The following PTPRD variants were observed in gnomAD, a reference collection of about 807,000 sequenced individuals.
The protein encoded by PTPRD is protein tyrosine phosphatase receptor type D.
A neutral mutation model predicts 214.5 loss-of-function variants in PTPRD; 34 were observed. That is an observed-to-expected ratio of 0.16 (90% confidence interval 0.12 to 0.21). The LOEUF is 0.21. Ranked by LOEUF, PTPRD falls within the 10% of genes least tolerant of loss-of-function variation. The pLI, the probability that PTPRD is intolerant of heterozygous loss-of-function variation, is 1.00. For synonymous variants in PTPRD, 1,128 were observed against 845.7 expected (o/e 1.33, Z -5.79); for missense variants, 2,545 against 2,398.7 (o/e 1.06, Z -1.27).
chr9:10,343,505 G>C lies in PTPRD; in HGVS notation c.-599-2488C>G, dbSNP rs137937208. On this transcript the variant is annotated intron_variant, in intron 2 of 45. Coordinates refer to ENST00000381196, the MANE Select transcript of PTPRD (RefSeq NM_002839.4). ...TGGGTATATACCCAGTAACGGGATT[G>C]CTGGGTCAAATGGTATTTCTTGTTC... 5.3e-5 allele frequency among the ~76,000 whole-genome samples: 8 copies of C among 152,212 alleles called. No individual in the cohort carries two copies. In the East Asian group the frequency reaches 1.5e-3, roughly 29 times the overall value.
chr9:9,575,060 G>A (rs1422801030), intron 7 of PTPRD, among the ~76,000 whole-genome samples: 3 of 135,338 alleles, frequency 2.2e-5, no homozygotes, highest in East Asian at 4.1e-4. Context: ...TATAGCTGAT[G>A]GATAACATTT....
At chr9:9,644,108 A>T (rs529146326) in intron 7 of PTPRD, among the ~76,000 whole-genome samples, 1 of 152,370 alleles carries the variant, frequency 6.6e-6, no homozygotes, top group South Asian at 2.1e-4. Context: ...TATTCAAGAC[A>T]ATCAAAAGTG....
intron 9 of PTPRD, among the ~76,000 whole-genome samples, chr9:9,222,847 T>C (rs972034702): frequency 6.6e-6 from 1 of 152,016 alleles, no homozygotes; most frequent in African/African-American, 2.4e-5. Context: ...ACATATATTC[T>C]TGGTTAATTT....
intron 39 of PTPRD, among the ~76,000 whole-genome samples, chr9:8,350,860 T>C (rs2075260862): frequency 6.6e-6 from 1 of 152,186 alleles, no homozygotes; most frequent in African/African-American, 2.4e-5. Flanking sequence ...ACTATATCCC[T>C]ATACTAATTA....
intron 4 of PTPRD, among the ~76,000 whole-genome samples, chr9:10,016,071 G>A (rs1003282979): frequency 1.3e-5 from 2 of 152,070 alleles, no homozygotes; most frequent in African/African-American, 4.8e-5. Flanking sequence ...TCAGAACCTG[G>A]AAATATACTG....
At chr9:9,594,853 C>T (rs2093126825) in intron 7 of PTPRD, among the ~76,000 whole-genome samples, 1 of 151,986 alleles carries the variant, frequency 6.6e-6, no homozygotes, top group East Asian at 1.9e-4. Flanking sequence ...GACTAAAATA[C>T]AGAATCTACA....
chr9:10,186,663 G>A (rs2099331433), intron 3 of PTPRD, among the ~76,000 whole-genome samples: 1 of 152,090 alleles, frequency 6.6e-6, no homozygotes, highest in Non-Finnish European at 1.5e-5. Context: ...TAAAAATGCA[G>A]TATCGGGAAT....
chr9:9,316,736 G>A lies in PTPRD; in HGVS notation c.-203+80713C>T, dbSNP rs146375503. ...ATTACTGGTATCCACATAAAATAAC[G>A]ATACATGAAATATTAAAATAACACA... On this transcript the variant is annotated intron_variant, in intron 9 of 45. Coordinates refer to ENST00000381196, the MANE Select transcript of PTPRD (RefSeq NM_002839.4). 1.8e-3 allele frequency among the ~76,000 whole-genome samples: 275 copies of A among 152,192 alleles called. 1 individual carries two copies. Among genetic ancestry groups the A allele is most frequent in the African/African-American group, 6.2e-3 (257 of 41,546 alleles).
At chr9:10,106,990 C>A (rs1476414523) in intron 3 of PTPRD, among the ~76,000 whole-genome samples, 1 of 151,716 alleles carries the variant, frequency 6.6e-6, no homozygotes, top group Non-Finnish European at 1.5e-5. Flanking sequence ...GAGATATTAA[C>A]AAGCTGAATG....
intron 2 of PTPRD, among the ~76,000 whole-genome samples, chr9:10,516,475 C>T (rs1342574568): frequency 6.6e-6 from 1 of 151,842 alleles, no homozygotes; most frequent in Non-Finnish European, 1.5e-5. Context: ...AAAATTAAAC[C>T]TTTATCAGAT....
chr9:10,537,050 T>G (rs1056566975), intron 2 of PTPRD, among the ~76,000 whole-genome samples: 1 of 152,152 alleles, frequency 6.6e-6, no homozygotes, highest in Non-Finnish European at 1.5e-5. Flanking sequence ...AGCTCTGAAA[T>G]AGCATTCTGT....
intron 9 of PTPRD, among the ~76,000 whole-genome samples, chr9:9,350,058 G>C (rs2050514261): frequency 6.6e-6 from 1 of 152,018 alleles, no homozygotes; most frequent in South Asian, 2.1e-4. Flanking sequence ...GGTAGGAACG[G>C]AAAGGACCCC....
intron 44 of PTPRD, among the ~76,000 whole-genome samples, chr9:8,331,064 A>ATTAAC (rs1840165839): frequency 6.8e-6 from 1 of 146,558 alleles, no homozygotes; most frequent in African/African-American, 2.6e-5. Context: ...ATTGAAAATA[A>ATTAAC]TTAACTTGAA....
intron 5 of PTPRD, among the ~76,000 whole-genome samples, chr9:9,934,124 C>T (rs2088079600): frequency 6.7e-6 from 1 of 149,542 alleles, no homozygotes; most frequent in African/African-American, 2.6e-5. Context: ...CAAGAGAAAG[C>T]AGGTAAGATC....
intron 9 of PTPRD, among the ~76,000 whole-genome samples, chr9:9,271,087 A>G (rs1428867618): frequency 6.6e-6 from 1 of 151,274 alleles, no homozygotes; most frequent in Admixed American, 6.6e-5. Flanking sequence ...CGATTGGGCT[A>G]CTAAGATATG....
At chr9:10,037,601 A>G (rs1567236559) in intron 3 of PTPRD, among the ~76,000 whole-genome samples, 1 of 149,084 alleles carries the variant, frequency 6.7e-6, no homozygotes, top group African/African-American at 2.5e-5. Context: ...AAAAAAAAAC[A>G]AGCTAATTCA....
chr9:8,804,233 G>A (rs1004013247), intron 11 of PTPRD, among the ~76,000 whole-genome samples: 2 of 152,084 alleles, frequency 1.3e-5, no homozygotes, highest in Admixed American at 6.6e-5. Flanking sequence ...AATTACAAGC[G>A]TGAGCCACTG....
intron 5 of PTPRD, among the ~76,000 whole-genome samples, chr9:9,894,632 A>C (rs914507495): frequency 6.6e-6 from 1 of 151,958 alleles, no homozygotes; most frequent in African/African-American, 2.4e-5. Context: ...CCCACATCAC[A>C]CTGCATGCTT....
At chr9:9,440,563 T>G (rs149502343) in intron 8 of PTPRD, among the ~76,000 whole-genome samples, 1 of 152,198 alleles carries the variant, frequency 6.6e-6, no homozygotes, top group African/African-American at 2.4e-5. Flanking sequence ...TTGTCACCGA[T>G]AACTTCAGAT....
Sources: gnomAD v4.1 joint callset for allele counts (sites outside exome capture counted in the v4.1 genomes callset) on GRCh38, gnomAD v4.1.1 for gene constraint, MANE v1.5 for transcripts, NCBI Gene and HGNC (gene_info 2026-07-23, HGNC 2026-07-21) for gene names.